Variants in KIF26B observed in about 807,000 individuals in gnomAD.
The protein encoded by KIF26B is kinesin family member 26B.
A neutral mutation model predicts 151.2 loss-of-function variants in KIF26B; 63 were observed. The ratio of observed to expected loss-of-function variants is 0.42; its 90% confidence interval spans 0.34 to 0.51. KIF26B has a LOEUF of 0.51. KIF26B is among the 20% of genes least tolerant of loss of function. The pLI, the probability that KIF26B is intolerant of heterozygous loss-of-function variation, is 0.07. For synonymous variants in KIF26B, 1,357 were observed against 1,262.1 expected, an observed-to-expected ratio of 1.08 and a Z score of -1.59; for missense variants, 2,813 against 2,913.6, an observed-to-expected ratio of 0.97 and a Z score of 0.79.
chr1:245,370,844 A>C, intron 3 of KIF26B: 2 of 358,844 alleles, frequency 5.6e-6, no homozygotes, highest in South Asian at 4.2e-5. Context: ...TTTACTGTAC[A>C]AGTATTTATT....
chr1:245,210,699 G>A (rs749084836), intron 2 of KIF26B, among the ~76,000 whole-genome samples: 22 of 152,256 alleles, frequency 1.4e-4, no homozygotes, highest in Non-Finnish European at 2.9e-4. Context: ...TGGACTCAGA[G>A]CCAGGGAGTC....
Position 245,564,790 on chromosome 1 carries a change from T to G in KIF26B, c.1350+23840T>G, listed in dbSNP as rs143348279. ...TGGGGGATGATGATTTCAGGAAGATTCCAGTGCATTCCATTTATCATTAGA... is the reference window on the plus strand; with the variant it reads ...TGGGGGATGATGATTTCAGGAAGATGCCAGTGCATTCCATTTATCATTAGA... On this transcript the variant is annotated intron_variant, in intron 5 of 14. Transcript: ENST00000407071. This position sits in a 1 kb window ranked among gnomAD's most constrained non-coding sequence, Gnocchi z 4.6. Among the ~76,000 whole-genome samples, 64 of 152,260 alleles carry G rather than the reference T, an allele frequency of 4.2e-4. No individual in the cohort carries two copies. The East Asian group carries it at 0.01, about 25-fold the overall frequency.
intron 4 of KIF26B, among the ~76,000 whole-genome samples, chr1:245,423,499 T>G: frequency 6.6e-6 from 1 of 151,188 alleles, no homozygotes; most frequent in Admixed American, 6.6e-5. Context: ...TTCACCGTAA[T>G]CATGAACTGA....
intron 4 of KIF26B, among the ~76,000 whole-genome samples, chr1:245,441,586 T>A (rs1485379700): frequency 6.6e-6 from 1 of 151,876 alleles, no homozygotes; most frequent in Admixed American, 6.6e-5. Context: ...CGTGTGTGAG[T>A]CCGACAGTAA....
chr1:245,457,135 G>C (rs528093769), intron 4 of KIF26B, among the ~76,000 whole-genome samples: 11 of 152,106 alleles, frequency 7.2e-5, no homozygotes, highest in Non-Finnish European at 1.3e-4. Flanking sequence ...CAAAGTGCTG[G>C]GATTACAGGC....
intron 5 of KIF26B, among the ~76,000 whole-genome samples, chr1:245,559,772 C>T (rs1323266159): frequency 6.6e-6 from 1 of 152,010 alleles, no homozygotes; most frequent in South Asian, 2.1e-4. Flanking sequence ...TTTTGAACTC[C>T]TGGACTCAAG....
At chr1:245,680,741 T>TTTC (rs2044423699) in intron 10 of KIF26B, among the ~76,000 whole-genome samples, 1 of 152,216 alleles carries the variant, frequency 6.6e-6, no homozygotes, top group Non-Finnish European at 1.5e-5. Context: ...AATGCATTTG[T>TTTC]AACCCCAAAA....
intron 10 of KIF26B, among the ~76,000 whole-genome samples, chr1:245,675,003 C>T (rs1199802510): frequency 1.3e-5 from 2 of 152,114 alleles, no homozygotes; most frequent in African/African-American, 2.4e-5. Context: ...CCCTCAGGCT[C>T]GTAATTCTCT....
At chr1:245,224,394 T>C in intron 2 of KIF26B, among the ~76,000 whole-genome samples, 1 of 152,216 alleles carries the variant, frequency 6.6e-6, no homozygotes, top group East Asian at 1.9e-4. Flanking sequence ...TACGCAGTTG[T>C]TTGAGTTGCC....
At chr1:245,341,005 C>T (rs1672321789) in intron 2 of KIF26B, among the ~76,000 whole-genome samples, 1 of 152,188 alleles carries the variant, frequency 6.6e-6, no homozygotes, top group Non-Finnish European at 1.5e-5. Context: ...TGACTAGCAT[C>T]ATTTTATTGA....
intron 2 of KIF26B, among the ~76,000 whole-genome samples, chr1:245,258,617 C>T (rs1670581944): frequency 1.3e-5 from 2 of 152,158 alleles, no homozygotes; most frequent in South Asian, 4.1e-4. Flanking sequence ...CAAATTCCAC[C>T]TGCTCTGCGT....
intron 2 of KIF26B, among the ~76,000 whole-genome samples, chr1:245,365,521 A>T (rs58232504): frequency 6.9e-6 from 1 of 144,790 alleles, no homozygotes; most frequent in African/African-American, 2.6e-5. Flanking sequence ...ACTCCCCCCC[A>T]CCAGCCTACA....
Position 245,156,479 on chromosome 1 carries a change from C to T in KIF26B, c.261C>T (p.Pro87=). Residue 87 remains proline, a synonymous_variant, in exon 2 of 15, where the codon CCC becomes CCT. Transcript: ENST00000407071. Reference sequence around the variant, plus strand: ...GCTCGTTCACCGGCTCCCCGGGACCCGCCTCCCCCGGCATCGGCACTAGTT... The same window carrying T: ...GCTCGTTCACCGGCTCCCCGGGACCTGCCTCCCCCGGCATCGGCACTAGTT... The part of the protein sequence containing the change: ...SPSSFTGSPG[P]ASPGIGTSSP... 3 of 1,525,448 alleles carry T rather than the reference C, an allele frequency of 2.0e-6. No individual in the cohort carries two copies. Among genetic ancestry groups the T allele is most frequent in the East Asian group, 2.5e-5 (1 of 39,702 alleles). 94.5% of individuals were successfully genotyped at this position (1,525,448 alleles called of 1,614,324 possible).
At chr1:245,274,730 T>A (rs934531950) in intron 2 of KIF26B, among the ~76,000 whole-genome samples, 1 of 152,216 alleles carries the variant, frequency 6.6e-6, no homozygotes, top group Non-Finnish European at 1.5e-5. Flanking sequence ...TTTATAATCC[T>A]TTGGGTATAT....
At chr1:245,620,396 G>A (rs546484297) in intron 9 of KIF26B, among the ~76,000 whole-genome samples, 1 of 144,480 alleles carries the variant, frequency 6.9e-6, no homozygotes, top group Non-Finnish European at 1.6e-5. Flanking sequence ...ATTCAACATC[G>A]TTAAAAAAAA....
intron 4 of KIF26B, among the ~76,000 whole-genome samples, chr1:245,471,385 C>T (rs576922256): frequency 1.5e-4 from 23 of 152,148 alleles, no homozygotes; most frequent in Non-Finnish European, 2.1e-4. Context: ...CCACCCACCT[C>T]GGCCTCCCAA....
At chr1:245,652,115 TG>T (rs2044023751) in intron 10 of KIF26B, among the ~76,000 whole-genome samples, 1 of 131,572 alleles carries the variant, frequency 7.6e-6, no homozygotes. Context: ...TGTGTGTGTG[TG>T]TGTGTGTGTG....
chr1:245,357,899 A>G (rs1414280805), intron 2 of KIF26B, among the ~76,000 whole-genome samples: 1 of 152,110 alleles, frequency 6.6e-6, no homozygotes, highest in Non-Finnish European at 1.5e-5. Context: ...CAAATGATGT[A>G]TTTGTTAAAA....
chr1:245,201,124 G>A (rs1440038208), intron 2 of KIF26B, among the ~76,000 whole-genome samples: 1 of 152,192 alleles, frequency 6.6e-6, no homozygotes. Flanking sequence ...AATTAGAGTT[G>A]AGCCTCAGAG....
Sources: allele counts gnomAD v4.1 joint callset (sites outside exome capture counted in the v4.1 genomes callset), GRCh38; gene constraint gnomAD v4.1.1; non-coding constraint Gnocchi (gnomAD v3.1); transcripts MANE v1.5; gene names NCBI Gene and HGNC (gene_info 2026-07-23, HGNC 2026-07-21).